SOX6: variants seen among roughly 807,000 people sequenced by gnomAD.
The protein encoded by SOX6 is transcription factor SOX-6.
A neutral mutation model predicts 97.8 loss-of-function variants in SOX6; 11 were observed. That is an observed-to-expected ratio of 0.11 (90% confidence interval 0.07 to 0.19). The LOEUF (loss-of-function observed/expected upper bound fraction) is 0.19. Among genes scored for constraint, SOX6 ranks in the 10% least tolerant of loss-of-function variants. SOX6 has a pLI of 1.00. For missense variants in SOX6, 810 were observed against 1,039.5 expected, an observed-to-expected ratio of 0.78 and a Z score of 3.04; for synonymous variants, 360 against 371.4, an observed-to-expected ratio of 0.97 and a Z score of 0.35.
chr11:16,122,967 G>C (rs1440579630), intron 6 of SOX6, among the ~76,000 whole-genome samples: 2 of 151,858 alleles, frequency 1.3e-5, no homozygotes, highest in African/African-American at 2.4e-5. Flanking sequence ...CTTTTCTTTT[G>C]GCCCTGCTGT....
chr11:16,316,228 G>T (rs1283550174), intron 3 of SOX6: 1 of 151,352 alleles, frequency 6.6e-6, no homozygotes, highest in Non-Finnish European at 1.5e-5. Flanking sequence ...ATTTTATCTT[G>T]GTAGGTTATT....
At chr11:16,200,416 A>T (rs533054786) in intron 4 of SOX6, among the ~76,000 whole-genome samples, 1 of 152,350 alleles carries the variant, frequency 6.6e-6, no homozygotes, top group South Asian at 2.1e-4. Context: ...TCTCAAAAAC[A>T]GTTTTAATTA....
chr11:16,354,934 T>G (rs1356285302), intron 1 of SOX6, among the ~76,000 whole-genome samples: 3 of 152,000 alleles, frequency 2.0e-5, no homozygotes, highest in African/African-American at 7.2e-5. Context: ...AAAATCAAGT[T>G]GCTACTAGTG....
chr11:16,410,324 G>T (rs753906097), intron 1 of SOX6, among the ~76,000 whole-genome samples: 9 of 152,096 alleles, frequency 5.9e-5, no homozygotes, highest in Admixed American at 2.6e-4. Context: ...ACACACCAGG[G>T]CTTCCCTAAG....
rs545505622 is a variant in SOX6 at position 16,055,747 on chromosome 11, T to C, written c.1251+5A>G. The stretch of plus-strand genomic sequence containing the variant: ...TGTTTCCACAATGCTGCAAGGCGAG[T>C]GTACCTTAACTTGAGTTACAGGGCT... On this transcript the variant is annotated splice_donor_5th_base_variant and intron_variant, in intron 10 of 15. Transcript: ENST00000683767. The C allele has an allele frequency of 1.9e-6, 3 of 1,613,514 alleles. No individual in the cohort carries two copies. In the East Asian group the frequency reaches 6.7e-5, roughly 36 times the overall value.
chr11:16,486,126 C>T (rs187946689), intron 4 of SOX6, among the ~76,000 whole-genome samples: 1 of 151,800 alleles, frequency 6.6e-6, no homozygotes, highest in African/African-American at 2.4e-5. Flanking sequence ...ACAGAATTAC[C>T]ATGTGACTTA....
chr11:16,182,297 A>G (rs1011619362), intron 6 of SOX6, among the ~76,000 whole-genome samples: 38 of 151,848 alleles, frequency 2.5e-4, no homozygotes, highest in Non-Finnish European at 5.0e-4. Context: ...ATTAACTGAT[A>G]TAAGAACACC....
In SOX6 at chr11:16,200,184, G is replaced by A. The variant is rs543744092; in HGVS notation, c.536-13229C>T. Among the ~76,000 whole-genome samples, 19 of 152,214 alleles carry A rather than the reference G, an allele frequency of 1.2e-4. No individual in the cohort carries two copies. In the South Asian group the frequency reaches 3.9e-3, roughly 32 times the overall value. ...ATTCTTTAGTTGAATCTCAAAAGTT[G>A]GAAGAATGACCCTGTGTCACTATTA... is the stretch of plus-strand genomic sequence containing the variant. On this transcript the variant is annotated intron_variant, in intron 4 of 15. Transcript: ENST00000683767.
chr11:16,205,394 C>T (rs77250064), intron 4 of SOX6, among the ~76,000 whole-genome samples: 24 of 152,146 alleles, frequency 1.6e-4, no homozygotes, highest in African/African-American at 5.8e-4. Flanking sequence ...TTTCATTTGC[C>T]CATGTATTTG....
intron 1 of SOX6, among the ~76,000 whole-genome samples, chr11:16,427,919 T>G (rs1859183251): frequency 6.6e-6 from 1 of 152,112 alleles, no homozygotes; most frequent in Admixed American, 6.5e-5. Flanking sequence ...ACTTCCACAA[T>G]GGTTGAACTA....
chr11:16,092,338 A>G (rs1293756767), intron 9 of SOX6, among the ~76,000 whole-genome samples: 2 of 151,946 alleles, frequency 1.3e-5, no homozygotes, highest in Non-Finnish European at 2.9e-5. Flanking sequence ...AAAAGAACTG[A>G]TACGCTTCCT....
intron 6 of SOX6, among the ~76,000 whole-genome samples, chr11:16,163,282 T>C (rs1378837146): frequency 1.3e-5 from 2 of 152,194 alleles, no homozygotes; most frequent in Non-Finnish European, 2.9e-5. Context: ...AACTTCTTAC[T>C]GTGGTTGGTC....
At chr11:16,184,664 T>TA (rs762196738) in intron 5 of SOX6, among the ~76,000 whole-genome samples, 16 of 152,148 alleles carry the variant, frequency 1.1e-4, no homozygotes, top group Admixed American at 3.9e-4. Flanking sequence ...ATCTGGTCTA[T>TA]AAAAAGAAAT....
At chr11:16,191,091 A>G (rs1851617464) in intron 4 of SOX6, among the ~76,000 whole-genome samples, 1 of 152,236 alleles carries the variant, frequency 6.6e-6, no homozygotes, top group South Asian at 2.1e-4. Flanking sequence ...GGAGCAACCA[A>G]AATATAGTTA....
intron 4 of SOX6, among the ~76,000 whole-genome samples, chr11:16,511,738 ATT>A (rs1338158865): frequency 1.3e-5 from 2 of 152,194 alleles, no homozygotes; most frequent in Non-Finnish European, 2.9e-5. Context: ...AAATAAGACT[ATT>A]AAGCTACTGA....
intron 1 of SOX6, among the ~76,000 whole-genome samples, chr11:16,376,579 G>C (rs1286799103): frequency 6.6e-6 from 1 of 152,070 alleles, no homozygotes; most frequent in Non-Finnish European, 1.5e-5. Context: ...CAGGAATACA[G>C]GAAGAGGAAG....
At chr11:16,648,850 C>T (rs1267185724) in intron 3 of SOX6, among the ~76,000 whole-genome samples, 1 of 151,894 alleles carries the variant, frequency 6.6e-6, no homozygotes, top group African/African-American at 2.4e-5. Context: ...TGAAAACAAA[C>T]TTAAAAATTA....
intron 4 of SOX6, among the ~76,000 whole-genome samples, chr11:16,518,615 T>C (rs570671700): frequency 8.5e-4 from 129 of 152,292 alleles, no homozygotes; most frequent in African/African-American, 2.5e-3. Context: ...AAGTTAAAAA[T>C]GGAAAATCCT....
chr11:16,380,638 A>G (rs1479703715), intron 1 of SOX6, among the ~76,000 whole-genome samples: 1 of 152,126 alleles, frequency 6.6e-6, no homozygotes, highest in Non-Finnish European at 1.5e-5. Flanking sequence ...CAAATCTCAT[A>G]AACTTATTGG....
Sources: allele counts gnomAD v4.1 joint callset (sites outside exome capture counted in the v4.1 genomes callset), GRCh38; gene constraint gnomAD v4.1.1; transcripts MANE v1.5; gene names NCBI Gene and HGNC (gene_info 2026-07-23, HGNC 2026-07-21).